Variants in PSD3 observed in about 807,000 individuals in gnomAD.
PSD3 encodes the protein pleckstrin and Sec7 domain containing 3.
PSD3 carries 49 observed loss-of-function variants against 105.5 expected under a neutral mutation model. The ratio of observed to expected loss-of-function variants is 0.46; its 90% CI spans 0.37 to 0.59. The LOEUF (loss-of-function observed/expected upper bound fraction) is 0.59. Among genes scored for constraint, PSD3 ranks in the 20% least tolerant of loss-of-function variants. The pLI is 0.00. For synonymous variants in PSD3, 557 were observed against 457.8 expected, an observed-to-expected ratio of 1.22 and a Z score of -2.77; for missense variants, 1,561 against 1,263.8, an observed-to-expected ratio of 1.24 and a Z score of -3.57.
Position 18,535,525 on chromosome 8 carries a change from G to T in PSD3, c.*218C>A. 1 of 555,612 alleles carries T rather than the reference G, an allele frequency of 1.8e-6. No homozygotes were observed. The highest frequency in any genetic ancestry group is 2.4e-5 in the South Asian group (1 of 42,316). The allele number at this position is 555,612 out of a possible 1,614,324, so 34.4% of individuals were successfully genotyped here. A position where few individuals can be genotyped will look rare whatever the true frequency, so the allele number is the denominator to read the frequency against. On this transcript the variant is annotated 3_prime_UTR_variant, in exon 16 of 16. Coordinates refer to ENST00000327040, the MANE Select transcript of PSD3 (RefSeq NM_015310.4). ...CGATCCCCTCCTCCTCACAGAAAAG[G>T]TGCATTAGCTATCAAGTTGCAAAAA...
chr8:19,009,249 T>G (rs926069240), intron 1 of PSD3, among the ~76,000 whole-genome samples: 2 of 151,696 alleles, frequency 1.3e-5, no homozygotes, highest in Non-Finnish European at 2.9e-5. Context: ...GATGAATTAG[T>G]CATCCAATAT....
At chr8:18,966,672 C>T (rs1824272036) in intron 1 of PSD3, among the ~76,000 whole-genome samples, 1 of 151,920 alleles carries the variant, frequency 6.6e-6, no homozygotes, top group African/African-American at 2.4e-5. Flanking sequence ...TCTTCTCAAA[C>T]AGGGGACTCC....
At chr8:18,887,384 T>C (rs1396202815) in intron 2 of PSD3, among the ~76,000 whole-genome samples, 1 of 152,196 alleles carries the variant, frequency 6.6e-6, no homozygotes, top group Non-Finnish European at 1.5e-5. Flanking sequence ...TGCTGTTACT[T>C]GGAAATGTGA....
At chr8:18,795,632 TCTATA>T (rs1351615868) in intron 8 of PSD3, among the ~76,000 whole-genome samples, 2 of 152,164 alleles carry the variant, frequency 1.3e-5, no homozygotes, top group Non-Finnish European at 2.9e-5. Context: ...GCTATGCAAT[TCTATA>T]CTTAACCCTC....
intron 4 of PSD3, among the ~76,000 whole-genome samples, chr8:18,832,209 T>A (rs1022678242): frequency 2.0e-5 from 3 of 152,186 alleles, no homozygotes; most frequent in African/African-American, 4.8e-5. Flanking sequence ...AGTGGATGTA[T>A]CACTGCAACC....
Position 18,632,769 on chromosome 8 carries a change from T to C in PSD3, c.2254A>G (p.Thr752Ala), listed in dbSNP as rs1171456838. Residue 752 changes from threonine to alanine, a missense_variant, in exon 11 of 16, where the codon ACT becomes GCT. Thr to Ala is a moderately conservative substitution (Grantham distance 58). Coordinates refer to ENST00000327040, the MANE Select transcript of PSD3 (RefSeq NM_015310.4). Reference sequence around the variant, plus strand: ...TGTGTTCCGTTAGCTTTCTCCTCAGTACTTTCTGAGGGAGACTTTTTTTTC... The same window carrying C: ...TGTGTTCCGTTAGCTTTCTCCTCAGCACTTTCTGAGGGAGACTTTTTTTTC... ...EEKKKSPSESTEEKANGTHPK... is the reference protein window; with the variant it reads ...EEKKKSPSESAEEKANGTHPK... 1 of 1,602,360 alleles carries C rather than the reference T, an allele frequency of 6.2e-7. No homozygotes were observed. The highest frequency in any genetic ancestry group is 8.5e-7 in the Non-Finnish European group (1 of 1,170,654).
chr8:18,642,103 G>A (rs988621034), intron 10 of PSD3, among the ~76,000 whole-genome samples: 4 of 152,098 alleles, frequency 2.6e-5, no homozygotes, highest in Non-Finnish European at 5.9e-5. Context: ...AAAGATGTAG[G>A]CTAGTAACTT....
chr8:18,788,921 G>C (rs1452858176), intron 8 of PSD3, among the ~76,000 whole-genome samples: 3 of 152,162 alleles, frequency 2.0e-5, no homozygotes, highest in Admixed American at 6.5e-5. Context: ...TTAAATGTAT[G>C]ACTGGGGGGC....
chr8:18,812,595 A>C (rs73580705), intron 4 of PSD3, among the ~76,000 whole-genome samples: 6,378 of 152,186 alleles, frequency 0.042, 471 homozygotes, highest in African/African-American at 0.14. Context: ...AGAGAATAGT[A>C]GTTAAGTTTT....
At chr8:18,830,233 C>T (rs1813572308) in intron 4 of PSD3, among the ~76,000 whole-genome samples, 1 of 152,170 alleles carries the variant, frequency 6.6e-6, no homozygotes, top group Admixed American at 6.5e-5. Context: ...TGAGCCACCG[C>T]ACCCAGCCAG....
chr8:18,556,912 C>T (rs1466622604), intron 14 of PSD3, among the ~76,000 whole-genome samples: 1 of 152,218 alleles, frequency 6.6e-6, no homozygotes, highest in Admixed American at 6.5e-5. Flanking sequence ...ACCAAAGCAG[C>T]AGAGTTCTTA....
At chr8:18,609,066 T>C (rs568737860) in intron 11 of PSD3, among the ~76,000 whole-genome samples, 72 of 152,276 alleles carry the variant, frequency 4.7e-4, no homozygotes, top group Middle Eastern at 3.4e-3. Context: ...TAGAAAGACA[T>C]AGTATGAGCA....
intron 2 of PSD3, among the ~76,000 whole-genome samples, chr8:18,879,157 A>G (rs1406549501): frequency 6.6e-6 from 1 of 152,052 alleles, no homozygotes; most frequent in East Asian, 1.9e-4. Context: ...GAGAATTCTG[A>G]TAATTCCTTC....
intron 4 of PSD3, among the ~76,000 whole-genome samples, chr8:18,823,100 A>T (rs1343931587): frequency 6.6e-4 from 2 of 3,014 alleles, no homozygotes; most frequent in African/African-American, 3.6e-4. Flanking sequence ...AGAGACAGGA[A>T]AAAAAAAAAA....
chr8:18,586,397 G>A (rs1244634510), intron 12 of PSD3, among the ~76,000 whole-genome samples: 1 of 152,138 alleles, frequency 6.6e-6, no homozygotes, highest in Non-Finnish European at 1.5e-5. Context: ...ATGAAGAAAT[G>A]CGAATTGAAT....
chr8:18,859,903 A>G (rs888969730), intron 4 of PSD3, among the ~76,000 whole-genome samples: 1 of 152,190 alleles, frequency 6.6e-6, no homozygotes, highest in Non-Finnish European at 1.5e-5. Flanking sequence ...CATGTGTTCT[A>G]TGAAGTAGCA....
intron 1 of PSD3, among the ~76,000 whole-genome samples, chr8:19,069,988 A>G (rs1483087050): frequency 6.7e-6 from 1 of 149,382 alleles, no homozygotes; most frequent in Non-Finnish European, 1.5e-5. Context: ...CTCTGTCACC[A>G]GGCTGGCGTG....
At chr8:18,567,469 A>G (rs983274158) in intron 14 of PSD3, among the ~76,000 whole-genome samples, 19 of 152,186 alleles carry the variant, frequency 1.2e-4, no homozygotes, top group African/African-American at 4.6e-4. Flanking sequence ...CCTTCTGGTC[A>G]TCAGTAAGAG....
chr8:18,910,932 C>CAAAA (rs1306913309), intron 2 of PSD3, among the ~76,000 whole-genome samples: 1 of 147,962 alleles, frequency 6.8e-6, no homozygotes. Flanking sequence ...ACATAAAATT[C>CAAAA]AAAAAAATAA....
Sources: gnomAD v4.1 joint callset for allele counts (sites outside exome capture counted in the v4.1 genomes callset) on GRCh38, gnomAD v4.1.1 for gene constraint, MANE v1.5 for transcripts, NCBI Gene and HGNC (gene_info 2026-07-23, HGNC 2026-07-21) for gene names.